The following SRFBP1 variants were observed in gnomAD, a reference collection of about 807,000 sequenced individuals.
The protein encoded by SRFBP1 is serum response factor-binding protein 1.
In SRFBP1, 47 loss-of-function variants were observed where a neutral mutation model predicts 45.5. The observed-to-expected ratio is 1.03, with a 90% CI of 0.82 to 1.32. The LOEUF (loss-of-function observed/expected upper bound fraction) is 1.32, where lower values mean the gene tolerates loss of function less well. Ranked by LOEUF, SRFBP1 falls within the 40% of genes most tolerant of loss-of-function variation. SRFBP1 has a pLI of 0.00. For missense variants in SRFBP1, 621 were observed against 484.6 expected (o/e 1.28, Z -2.64); for synonymous variants, 203 against 166.3 (o/e 1.22, Z -1.70).
intron 2 of SRFBP1, among the ~76,000 whole-genome samples, chr5:122,053,795 G>A (rs1754031402): frequency 6.6e-6 from 1 of 152,164 alleles, no homozygotes; most frequent in Non-Finnish European, 1.5e-5. Flanking sequence ...AGAAACTCTA[G>A]CAAGCATTGT....
chr5:122,033,947 C>T (rs141364231), intron 2 of SRFBP1, among the ~76,000 whole-genome samples: 8 of 151,606 alleles, frequency 5.3e-5, no homozygotes, highest in African/African-American at 1.5e-4. Context: ...CCTCAGCCTC[C>T]TGGGTAGCTG....
At chr5:121,998,530 G>T in intron 4 of SRFBP1, among the ~76,000 whole-genome samples, 1 of 111,924 alleles carries the variant, frequency 8.9e-6, no homozygotes, top group Non-Finnish European at 1.8e-5. Context: ...TGGGGGGAGG[G>T]GGGAGGGATA....
At chr5:121,986,855 C>T (rs1272602780) in intron 3 of SRFBP1, among the ~76,000 whole-genome samples, 1 of 151,974 alleles carries the variant, frequency 6.6e-6, no homozygotes, top group Non-Finnish European at 1.5e-5. Flanking sequence ...TTTAGAATGA[C>T]AGAATTTTAA....
At chr5:122,007,506 C>T (rs1753003049) in intron 4 of SRFBP1, among the ~76,000 whole-genome samples, 2 of 152,024 alleles carry the variant, frequency 1.3e-5, no homozygotes, top group African/African-American at 4.8e-5. Flanking sequence ...CCATGGGGAA[C>T]AGCCTGGAGC....
At chr5:121,964,398 G>A (rs1003518893) in intron 1 of SRFBP1, among the ~76,000 whole-genome samples, 7 of 151,958 alleles carry the variant, frequency 4.6e-5, no homozygotes, top group African/African-American at 1.7e-4. Flanking sequence ...CTGTGTCCAT[G>A]TGTTCTCATT....
intron 4 of SRFBP1, among the ~76,000 whole-genome samples, chr5:122,018,040 A>T (rs1250612853): frequency 6.6e-6 from 1 of 152,138 alleles, no homozygotes; most frequent in Non-Finnish European, 1.5e-5. Context: ...TAGTGATGGG[A>T]AGTGTTGTGC....
downstream of SRFBP1, among the ~76,000 whole-genome samples, chr5:122,029,140 A>T (rs1283699695): frequency 6.7e-6 from 1 of 149,582 alleles, no homozygotes. Context: ...TGGGGGTGGG[A>T]GGGGGCTACA....
chr5:122,053,978 A>G (rs926117063), intron 2 of SRFBP1, among the ~76,000 whole-genome samples: 14 of 152,260 alleles, frequency 9.2e-5, no homozygotes, highest in Middle Eastern at 3.4e-3. Flanking sequence ...GGGTAGTTGG[A>G]GTGGCCAGCC....
At chr5:121,968,388 TTTATGAG>T (rs1752118102) in intron 1 of SRFBP1, among the ~76,000 whole-genome samples, 1 of 152,042 alleles carries the variant, frequency 6.6e-6, no homozygotes, top group Non-Finnish European at 1.5e-5. Flanking sequence ...CAATTTAAAA[TTTATGAG>T]TTATTTATAT....
chr5:122,050,679 T>C (rs931229368), intron 2 of SRFBP1, among the ~76,000 whole-genome samples: 1 of 152,086 alleles, frequency 6.6e-6, no homozygotes, highest in African/African-American at 2.4e-5. Flanking sequence ...ATTTCTCTTA[T>C]TAATTTTATC....
At chr5:122,077,045 C>G (rs1303993693), downstream of SRFBP1, 7 of 1,604,884 alleles carry the variant, frequency 4.4e-6, no homozygotes, top group Non-Finnish European at 5.1e-6. The surrounding 1 kb of genome is among the most constrained non-coding windows in gnomAD (Gnocchi z 4.9). Flanking sequence ...AACAACCCGG[C>G]GCCCCCCGCT....
intron 7 of SRFBP1, among the ~76,000 whole-genome samples, chr5:122,023,277 C>T (rs1227031918): frequency 6.6e-6 from 1 of 152,176 alleles, no homozygotes; most frequent in Non-Finnish European, 1.5e-5. Flanking sequence ...CACTTTTCCT[C>T]CTACACAGAG....
chr5:121,999,216 C>A (rs1034056139), intron 4 of SRFBP1, among the ~76,000 whole-genome samples: 1 of 152,016 alleles, frequency 6.6e-6, no homozygotes, highest in African/African-American at 2.4e-5. Flanking sequence ...TTCCTTTGAA[C>A]CCTCTTTGAT....
chr5:121,975,500 A>G, intron 3 of SRFBP1, 113 bp downstream of exon 3: 1 of 1,092,678 alleles, frequency 9.2e-7, no homozygotes, highest in Non-Finnish European at 1.4e-6. Flanking sequence ...TGCGTAAGAC[A>G]TCTTGTATCA....
intron 4 of SRFBP1, among the ~76,000 whole-genome samples, chr5:121,995,987 C>G (rs1234145027): frequency 6.6e-6 from 1 of 152,138 alleles, no homozygotes; most frequent in Non-Finnish European, 1.5e-5. Context: ...TCTTAGTAGA[C>G]CAATAACAGG....
In SRFBP1 at chr5:121,975,321, T is replaced by G. The variant is rs1051763813; in HGVS notation, c.132T>G (p.Thr44=). The change falls in exon 3 of 8, where the codon ACT becomes ACG. Residue 44 remains threonine (T), a synonymous_variant. Transcript: ENST00000339397. The part of the protein sequence containing the change: ...SVGRLKSKKG[T]EDALLKNQRR... ...CGTAATGTATTTTTTGCAGGGGTACTGAAGATGCACTGTTAAAAAACCAAA... is the reference window on the plus strand; with the variant it reads ...CGTAATGTATTTTTTGCAGGGGTACGGAAGATGCACTGTTAAAAAACCAAA... 6.2e-6 allele frequency: 10 copies of G among 1,613,156 alleles called. No homozygotes were observed. In the African/African-American group the frequency reaches 6.7e-5, roughly 11 times the overall value.
rs182039976 is a variant in SRFBP1 at position 122,045,325 on chromosome 5, C to T, written n.311+22918C>T. Among the ~76,000 whole-genome samples the T allele has an allele frequency of 3.9e-5, 6 of 152,162 alleles. No individual in the cohort carries two copies. The East Asian group carries it at 1.2e-3, about 29-fold the overall frequency. Reference sequence around the variant, plus strand: ...CTTTGTTCTTTTTGTTTAAGATTGCCTTGGCTGTTTGGGCTCTTTTTTGGT... The same window carrying T: ...CTTTGTTCTTTTTGTTTAAGATTGCTTTGGCTGTTTGGGCTCTTTTTTGGT... On this transcript the variant is annotated intron_variant and non_coding_transcript_variant, in intron 2 of 2. Coordinates refer to the SRFBP1 transcript ENST00000504881.
intron 3 of SRFBP1, among the ~76,000 whole-genome samples, chr5:121,979,762 C>T (rs1330180841): frequency 6.6e-6 from 1 of 152,076 alleles, no homozygotes; most frequent in Non-Finnish European, 1.5e-5. Flanking sequence ...GTGTACTTTC[C>T]AGCCCAGAGT....
rs574702879 is a variant in SRFBP1, at chr5:122,055,850, A to C, written n.312-19465A>C. ...GAAAGTTGAAACCAGTGAAAGGAAG[A>C]AATAAAATTAACATTGAAGTTACCT... On this transcript the variant is annotated intron_variant and non_coding_transcript_variant, in intron 2 of 2. Transcript: ENST00000504881. Among the ~76,000 whole-genome samples the C allele has an allele frequency of 2.6e-5, 4 of 152,334 alleles. No homozygotes were observed. The South Asian group carries it at 8.3e-4, about 32-fold the overall frequency.
Sources: allele counts gnomAD v4.1 joint callset (sites outside exome capture counted in the v4.1 genomes callset), GRCh38; gene constraint gnomAD v4.1.1; non-coding constraint Gnocchi (gnomAD v3.1); transcripts MANE v1.5; gene names NCBI Gene and HGNC (gene_info 2026-07-23, HGNC 2026-07-21).